The following PCDHGA2 variants were observed in gnomAD, a reference collection of about 807,000 sequenced individuals.
The protein encoded by PCDHGA2 is protocadherin gamma subfamily A, 2.
In PCDHGA2, 40 loss-of-function variants were observed where a neutral mutation model predicts 59.2. The observed-to-expected ratio is 0.68, with a 90% confidence interval of 0.52 to 0.88. PCDHGA2 has a LOEUF of 0.88. Among genes scored for constraint, PCDHGA2 ranks in the 40% least tolerant of loss-of-function variants. The pLI is 0.00. For missense variants in PCDHGA2, 1,226 were observed against 1,204.0 expected, an observed-to-expected ratio of 1.02 and a Z score of -0.27; for synonymous variants, 560 against 526.0, an observed-to-expected ratio of 1.06 and a Z score of -0.89.
At chr5:141,444,358 A>T (rs2098433774) in intron 1 of PCDHGA2, among the ~76,000 whole-genome samples, 1 of 151,436 alleles carries the variant, frequency 6.6e-6, no homozygotes, top group Non-Finnish European at 1.5e-5. Context: ...TTTAGTAGAG[A>T]CGGGGTTTCT....
intron 1 of PCDHGA2, chr5:141,419,088 T>G (rs2096325159): frequency 1.2e-6 from 2 of 1,613,940 alleles, no homozygotes; most frequent in Non-Finnish European, 1.7e-6. Flanking sequence ...GATGAGGCCC[T>G]GGATCGGGAG....
chr5:141,394,488 G>C lies in PCDHGA2; in HGVS notation c.2424+53093G>C, dbSNP rs753312224. 7.4e-6 allele frequency: 12 copies of C among 1,614,196 alleles called. No homozygotes were observed. In the South Asian group the frequency reaches 1.1e-4, roughly 15 times the overall value. ...GTTCGTGCTGGACCAGAATGACAAC[G>C]CGCCCGAGATCCTGTACCCCGCCCT... is the stretch of plus-strand genomic sequence containing the variant. On this transcript the variant is annotated intron_variant, in intron 1 of 3. Transcript: ENST00000394576.
intron 1 of PCDHGA2, chr5:141,400,747 G>A: frequency 1.7e-6 from 1 of 602,780 alleles, no homozygotes; most frequent in Non-Finnish European, 2.9e-6. Flanking sequence ...TTTGCTCTTA[G>A]CTTCCTCTCT....
chr5:141,348,066 C>G (rs1386976646), intron 1 of PCDHGA2, among the ~76,000 whole-genome samples: 2 of 152,164 alleles, frequency 1.3e-5, no homozygotes, highest in Non-Finnish European at 2.9e-5. Flanking sequence ...TTGTCATGTT[C>G]TACAACTTTC....
intron 1 of PCDHGA2, chr5:141,370,851 G>T (rs903944197): frequency 6.2e-7 from 1 of 1,614,018 alleles, no homozygotes; most frequent in Non-Finnish European, 8.5e-7. Flanking sequence ...AGCCACATTT[G>T]CCCTGGAATC....
At chr5:141,452,161 A>G (rs559274240) in intron 1 of PCDHGA2, among the ~76,000 whole-genome samples, 1 of 152,204 alleles carries the variant, frequency 6.6e-6, no homozygotes, top group South Asian at 2.1e-4. Context: ...GTTATATTCT[A>G]TTACTAACAT....
Position 141,512,738 on chromosome 5 carries a change from C to A in PCDHGA2, c.*1565C>A, listed in dbSNP as rs1350606944. 2 of 152,840 alleles carry A rather than the reference C, an allele frequency of 1.3e-5. No individual in the cohort carries two copies. The highest frequency in any genetic ancestry group is 2.1e-4 in the South Asian group (1 of 4,838). The allele number at this position is 152,840 out of a possible 1,614,324, so 9.5% of individuals were successfully genotyped here. A position where few individuals can be genotyped will look rare whatever the true frequency, so the allele number is the denominator to read the frequency against. On this transcript the variant is annotated 3_prime_UTR_variant, in exon 4 of 4. Transcript: ENST00000394576. ...TGGCGGGTGGGCAGCGGGCGGCGGG[C>A]TCCGCGCAGCCGTCTGTCCTTGATC...
At chr5:141,415,274 C>T (rs775112066) in intron 1 of PCDHGA2, 19 of 1,614,086 alleles carry the variant, frequency 1.2e-5, no homozygotes, top group Admixed American at 1.0e-4. Context: ...CTGGTGGTAG[C>T]GGTGGCCGCG....
intron 1 of PCDHGA2, chr5:141,410,703 C>G (rs763776263): frequency 1.1e-5 from 16 of 1,467,494 alleles, no homozygotes; most frequent in Non-Finnish European, 9.1e-7. Flanking sequence ...ATTTTCATAT[C>G]TAGAATCATA....
intron 1 of PCDHGA2, among the ~76,000 whole-genome samples, chr5:141,443,781 C>CA (rs1227271563): frequency 8.6e-5 from 13 of 150,636 alleles, no homozygotes; most frequent in South Asian, 2.1e-4. Flanking sequence ...ACCAAAAAGA[C>CA]AAAAAAAATG....
intron 1 of PCDHGA2, chr5:141,376,828 A>T (rs986272669): frequency 7.4e-6 from 2 of 269,538 alleles, no homozygotes; most frequent in African/African-American, 4.6e-5. Context: ...CTGGGACTAC[A>T]GGCGCCCGCC....
At chr5:141,502,866 C>CTTTTTTTT (rs549047197) in intron 2 of PCDHGA2, among the ~76,000 whole-genome samples, 38,988 of 127,080 alleles carry the variant, frequency 0.31, 7,978 homozygotes, top group African/African-American at 0.51. Flanking sequence ...GACTCTCTGT[C>CTTTTTTTT]TTTTTTTTTT....
At chr5:141,371,785 A>G (rs1332853019) in intron 1 of PCDHGA2, 1 of 1,613,964 alleles carries the variant, frequency 6.2e-7, no homozygotes, top group Admixed American at 1.7e-5. Flanking sequence ...GTAGCTGAGA[A>G]CAATCCGCCT....
chr5:141,393,387 C>T lies in PCDHGA2; in HGVS notation c.2424+51992C>T, dbSNP rs772072669. The stretch of plus-strand genomic sequence containing the variant: ...GACTGGAGACAATGGAGCCATAAAC[C>T]CAGAGCTGGTGCTGGAGCGCGCCCT... On this transcript the variant is annotated intron_variant, in intron 1 of 3. Coordinates refer to ENST00000394576, the MANE Select transcript of PCDHGA2 (RefSeq NM_018915.4). The T allele has an allele frequency of 3.7e-6, 6 of 1,613,972 alleles. No homozygotes were observed. The East Asian group carries it at 1.3e-4, about 36-fold the overall frequency.
chr5:141,423,139 G>A (rs2096713828), intron 1 of PCDHGA2: 2 of 1,613,616 alleles, frequency 1.2e-6, no homozygotes, highest in Middle Eastern at 1.7e-4. Flanking sequence ...GGACAGAGAC[G>A]CGCTCAAGCA....
chr5:141,416,859 G>A (rs1411419006), intron 1 of PCDHGA2: 1 of 151,936 alleles, frequency 6.6e-6, no homozygotes, highest in South Asian at 2.1e-4. Context: ...ATTTTTTTCA[G>A]GTCAGTCAAC....
chr5:141,350,064 A>G, intron 1 of PCDHGA2: 1 of 414,630 alleles, frequency 2.4e-6, no homozygotes, highest in Non-Finnish European at 4.2e-6. Flanking sequence ...AAGGAAGTGA[A>G]GGCTTCTCAA....
chr5:141,486,017 A>C lies in PCDHGA2; in HGVS notation c.2425-8790A>C, dbSNP rs746747518. 1 of 1,614,176 alleles carries C rather than the reference A, an allele frequency of 6.2e-7. No homozygotes were observed. The highest frequency in any genetic ancestry group is 8.5e-7 in the Non-Finnish European group (1 of 1,180,038). ...CAGTGGTAACGTCACCTTTTATTTC[A>C]GTGGTCATACCCCTGATCGTGTAAG... On this transcript the variant is annotated intron_variant, in intron 1 of 3. Coordinates refer to ENST00000394576, the MANE Select transcript of PCDHGA2 (RefSeq NM_018915.4). This position sits in a 1 kb window ranked among gnomAD's most constrained non-coding sequence, Gnocchi z 5.0.
At chr5:141,385,309 C>G (rs774342510) in intron 1 of PCDHGA2, 1 of 1,612,276 alleles carries the variant, frequency 6.2e-7, no homozygotes, top group South Asian at 1.1e-5. Flanking sequence ...TAAAGAAAAC[C>G]TGCCAAGTAT....
Sources: allele counts gnomAD v4.1 joint callset (sites outside exome capture counted in the v4.1 genomes callset), GRCh38; gene constraint gnomAD v4.1.1; non-coding constraint Gnocchi (gnomAD v3.1); transcripts MANE v1.5; gene names NCBI Gene and HGNC (gene_info 2026-07-23, HGNC 2026-07-21).